NTRK2: variants seen among roughly 807,000 people sequenced by gnomAD.
NTRK2 encodes the protein neurotrophic receptor tyrosine kinase 2.
In NTRK2, 13 loss-of-function variants were observed where a neutral mutation model predicts 94.5. That is an observed-to-expected ratio of 0.14 (90% CI 0.09 to 0.22). The LOEUF (loss-of-function observed/expected upper bound fraction) is 0.22. Among genes scored for constraint, NTRK2 ranks in the 10% least tolerant of loss-of-function variants. NTRK2 has a pLI of 1.00. For synonymous variants in NTRK2, 372 were observed against 407.4 expected (o/e 0.91, Z 1.05); for missense variants, 639 against 1,071.2 (o/e 0.60, Z 5.63).
Position 84,872,718 on chromosome 9 carries a change from A to T in NTRK2, c.1633+5287A>T, listed in dbSNP as rs965724315. ...TTAATGTGTGTGTATCCTTGTGTATATGTGTGTTTGTGTGTGCATATGTGT... is the reference window on the plus strand; with the variant it reads ...TTAATGTGTGTGTATCCTTGTGTATTTGTGTGTTTGTGTGTGCATATGTGT... On this transcript the variant is annotated intron_variant, in intron 14 of 18. Transcript: ENST00000277120. The T allele has an allele frequency of 5.6e-6, 6 of 1,064,356 alleles. No individual in the cohort carries two copies. In the East Asian group the frequency reaches 3.0e-4, roughly 53 times the overall value. 65.9% of individuals were successfully genotyped at this position (1,064,356 alleles called of 1,614,324 possible).
intron 12 of NTRK2, among the ~76,000 whole-genome samples, chr9:84,803,044 G>T (rs2133414722): frequency 6.6e-6 from 1 of 152,224 alleles, no homozygotes; most frequent in African/African-American, 2.4e-5. Context: ...GTCAATTAAT[G>T]CCCCAGGTGG....
chr9:84,823,318 G>A (rs1160509931), intron 12 of NTRK2, among the ~76,000 whole-genome samples: 1 of 152,108 alleles, frequency 6.6e-6, no homozygotes, highest in Non-Finnish European at 1.5e-5. Flanking sequence ...GACAGCTCTT[G>A]TTATTGATTC....
intron 12 of NTRK2, among the ~76,000 whole-genome samples, chr9:84,759,794 A>G (rs1488686939): frequency 1.3e-5 from 2 of 151,762 alleles, no homozygotes; most frequent in African/African-American, 2.4e-5. Flanking sequence ...TTTGTCCTGC[A>G]TGTCTTTGCT....
intron 6 of NTRK2, among the ~76,000 whole-genome samples, chr9:84,721,003 A>C (rs542454023): frequency 6.6e-6 from 1 of 152,246 alleles, no homozygotes; most frequent in Non-Finnish European, 1.5e-5. Flanking sequence ...TCTAAGTGGT[A>C]AGAAAGCATG....
chr9:84,823,408 G>A (rs1007873633), intron 12 of NTRK2, among the ~76,000 whole-genome samples: 4 of 152,214 alleles, frequency 2.6e-5, no homozygotes, highest in Non-Finnish European at 5.9e-5. Context: ...GTGGTACAGA[G>A]CGATGCATCC....
At chr9:85,017,543 A>C (rs1475209105) in intron 17 of NTRK2, among the ~76,000 whole-genome samples, 1 of 152,222 alleles carries the variant, frequency 6.6e-6, no homozygotes, top group Non-Finnish European at 1.5e-5. Context: ...ATAAATGGTT[A>C]TCTCTCCCAC....
At chr9:84,969,661 C>T (rs1416202553) in intron 17 of NTRK2, among the ~76,000 whole-genome samples, 2 of 152,142 alleles carry the variant, frequency 1.3e-5, no homozygotes, top group Admixed American at 1.3e-4. Flanking sequence ...TTGAGATAAT[C>T]TATAACAATA....
chr9:84,891,668 G>T (rs2076599592), intron 14 of NTRK2, among the ~76,000 whole-genome samples: 1 of 152,138 alleles, frequency 6.6e-6, no homozygotes, highest in Non-Finnish European at 1.5e-5. Context: ...AATACAGATG[G>T]TTAGTCCACA....
intron 9 of NTRK2, among the ~76,000 whole-genome samples, chr9:84,729,514 T>C (rs2062694376): frequency 6.6e-6 from 1 of 152,208 alleles, no homozygotes. Context: ...GACAGTAGCT[T>C]TTTGCTTGTT....
At chr9:85,006,086 G>A (rs771408405) in intron 17 of NTRK2, among the ~76,000 whole-genome samples, 18 of 152,174 alleles carry the variant, frequency 1.2e-4, no homozygotes, top group East Asian at 1.9e-4. Context: ...ATCAAAATAA[G>A]CAAATGAATT....
At chr9:84,768,733 T>C (rs2066258072) in intron 12 of NTRK2, among the ~76,000 whole-genome samples, 1 of 152,102 alleles carries the variant, frequency 6.6e-6, no homozygotes, top group Non-Finnish European at 1.5e-5. Flanking sequence ...AAAAGAGAGC[T>C]CAGTATGGAA....
chr9:84,671,669 T>A (rs1161989457), intron 2 of NTRK2, among the ~76,000 whole-genome samples: 1 of 152,246 alleles, frequency 6.6e-6, no homozygotes, highest in East Asian at 1.9e-4. Context: ...AACTCTTAAT[T>A]GCCCATTGAA....
At chr9:84,811,058 G>A (rs1047896) in intron 12 of NTRK2, 853,149 of 1,072,936 alleles carry the variant, frequency 0.8, 339,675 homozygotes, top group East Asian at 0.93. Flanking sequence ...ATATTTTAGT[G>A]TGATTTTCTA....
chr9:84,740,989 A>C (rs1264881993), intron 9 of NTRK2, among the ~76,000 whole-genome samples: 4 of 152,258 alleles, frequency 2.6e-5, no homozygotes, highest in African/African-American at 7.2e-5. Context: ...GACTAAAAGC[A>C]TAGGAAATAG....
chr9:84,753,913 T>C (rs2064852189), intron 12 of NTRK2, among the ~76,000 whole-genome samples: 1 of 152,130 alleles, frequency 6.6e-6, no homozygotes, highest in African/African-American at 2.4e-5. Context: ...GGAGCAAAAT[T>C]TAGGAACTTC....
intron 14 of NTRK2, among the ~76,000 whole-genome samples, chr9:84,922,508 A>G (rs577982910): frequency 2.0e-5 from 3 of 152,218 alleles, no homozygotes; most frequent in Admixed American, 6.5e-5. Context: ...CAAAAGAATC[A>G]TTTTCTATAG....
At chr9:84,864,556 C>G (rs1163354759) in intron 13 of NTRK2, among the ~76,000 whole-genome samples, 2 of 152,074 alleles carry the variant, frequency 1.3e-5, no homozygotes, top group Non-Finnish European at 2.9e-5. Context: ...AAAGGTGGTG[C>G]CTGGAATCTA....
At chr9:84,897,480 TC>T (rs1240627926) in intron 14 of NTRK2, among the ~76,000 whole-genome samples, 1 of 152,166 alleles carries the variant, frequency 6.6e-6, no homozygotes, top group African/African-American at 2.4e-5. Context: ...CCCCAGGGGT[TC>T]CCCCTGTGGT....
At chr9:84,977,266 A>G (rs753927635) in intron 17 of NTRK2, among the ~76,000 whole-genome samples, 2 of 152,242 alleles carry the variant, frequency 1.3e-5, no homozygotes, top group Non-Finnish European at 2.9e-5. Context: ...AAGTGTATCT[A>G]ATACACATAT....
Sources: allele counts gnomAD v4.1 joint callset (sites outside exome capture counted in the v4.1 genomes callset), GRCh38; gene constraint gnomAD v4.1.1; transcripts MANE v1.5; gene names NCBI Gene and HGNC (gene_info 2026-07-23, HGNC 2026-07-21).